The following SIRT4 variants were observed in gnomAD, a reference collection of about 807,000 sequenced individuals.
SIRT4 encodes NAD-dependent protein lipoamidase sirtuin-4, mitochondrial.
In SIRT4, 23 loss-of-function variants were observed where a neutral mutation model predicts 26.1. The observed-to-expected ratio is 0.88, with a 90% CI of 0.63 to 1.25. The LOEUF (loss-of-function observed/expected upper bound fraction) is 1.25. Among genes scored for constraint, SIRT4 ranks in the 50% most tolerant of loss-of-function variants. SIRT4 has a pLI of 0.00. For missense variants in SIRT4, 361 were observed against 405.4 expected (o/e 0.89, Z 0.94); for synonymous variants, 155 against 158.4 (o/e 0.98, Z 0.16).
rs1872647343 is a variant in SIRT4, at chr12:120,304,012, A to G, written c.451A>G (p.Lys151Glu). 3 of 1,613,138 alleles carry G rather than the reference A, an allele frequency of 1.9e-6. No homozygotes were observed. The South Asian group carries it at 3.3e-5, about 18-fold the overall frequency. ...CCAAAATGTGGATGCTTTGCACACC[A>G]AGGCGGGGAGTCGGCGCCTGACAGA... ...VTQNVDALHT[K>E]AGSRRLTELH... Residue 151 changes from lysine to glutamate, a missense_variant, in exon 2 of 4, where the codon AAG (lysine) becomes GAG (glutamate). Transcript: ENST00000202967.
rs980974165 is a variant in SIRT4, at chr12:120,313,232, G to A, written c.*196G>A. The A allele has an allele frequency of 3.3e-6, 2 of 613,826 alleles. No homozygotes were observed. The highest frequency in any genetic ancestry group is 2.9e-5 in the East Asian group (1 of 34,614). 38.0% of individuals were successfully genotyped at this position (613,826 alleles called of 1,614,324 possible). ...ACTCATTTTTTTTAAATAAAAAATT[G>A]TTCAGCTTTATATGAAATGCTTCAT... On this transcript the variant is annotated 3_prime_UTR_variant, in exon 4 of 4. Coordinates refer to ENST00000202967, the MANE Select transcript of SIRT4 (RefSeq NM_012240.3).
chr12:120,312,767 G>T lies in SIRT4; in HGVS notation c.792+17G>T. 6.2e-7 allele frequency: 1 copy of T among 1,609,154 alleles called. No individual in the cohort carries two copies. The highest frequency in any genetic ancestry group is 1.1e-5 in the South Asian group (1 of 90,718). ...TCCTTGCAGGTATCTGACTTGGCAA[G>T]AGTGGTAACCACCCCTTGTGCGGGA... is the stretch of plus-strand genomic sequence containing the variant. On this transcript the variant is annotated intron_variant, in intron 3 of 3. Transcript: ENST00000202967.
At position 120,313,242 on chromosome 12, in the gene SIRT4, A is replaced by G. The variant is rs1873066722; in HGVS notation, c.*206A>G. On this transcript the variant is annotated 3_prime_UTR_variant, in exon 4 of 4. Coordinates refer to ENST00000202967, the MANE Select transcript of SIRT4 (RefSeq NM_012240.3). ...TTTAAATAAAAAATTGTTCAGCTTTATATGAAATGCTTCATGAATTTGTGT... is the reference window on the plus strand; with the variant it reads ...TTTAAATAAAAAATTGTTCAGCTTTGTATGAAATGCTTCATGAATTTGTGT... The G allele has an allele frequency of 2.6e-5, 15 of 582,050 alleles. No homozygotes were observed. In the South Asian group the frequency reaches 3.3e-4, roughly 13 times the overall value. The allele number at this position is 582,050 out of a possible 1,614,324, so 36.1% of individuals were successfully genotyped here. A position where few individuals can be genotyped will look rare whatever the true frequency, so the allele number is the denominator to read the frequency against.
chr12:120,308,946 G>T (rs558209776), intron 2 of SIRT4, among the ~76,000 whole-genome samples: 80 of 152,130 alleles, frequency 5.3e-4, no homozygotes, highest in Admixed American at 2.6e-4. Flanking sequence ...GAAGCGGGTG[G>T]ATAACCTGAG....
At position 120,312,555 on chromosome 12, in the gene SIRT4, G is replaced by A; in HGVS notation, c.597G>A (p.Leu199=). The A allele has an allele frequency of 6.2e-7, 1 of 1,614,126 alleles. No individual in the cohort carries two copies. Among genetic ancestry groups the A allele is most frequent in the African/African-American group, 1.3e-5 (1 of 75,006 alleles). ...CCTGGAGTGCTGAGGCCCATGGCCT[G>A]GCTCCTGATGGTGACGTCTTTCTCT... ...NPTWSAEAHG[L]APDGDVFLSE... is the part of the protein sequence containing the mutation. Residue 199 remains leucine (L), a synonymous_variant, in exon 3 of 4, where the codon CTG becomes CTA. Coordinates refer to ENST00000202967, the MANE Select transcript of SIRT4 (RefSeq NM_012240.3).
chr12:120,293,008 T>A, the SIRT4 span: 1 of 152,126 alleles, frequency 6.6e-6, no homozygotes, highest in Admixed American at 6.6e-5. Context: ...TTTAGAGAGT[T>A]TGCGAACAAG....
At chr12:120,311,048 T>TAA (rs761606021) in intron 2 of SIRT4, among the ~76,000 whole-genome samples, 5,892 of 69,302 alleles carry the variant, frequency 0.085, 454 homozygotes, top group Admixed American at 0.12. Context: ...CCCTGTCTCT[T>TAA]AAAAAAAAAA....
chr12:120,292,943 G>T, the SIRT4 span, among the ~76,000 whole-genome samples: 1 of 152,144 alleles, frequency 6.6e-6, no homozygotes, highest in African/African-American at 2.4e-5. Context: ...ACTAAAACAG[G>T]TAAACTTGCA....
chr12:120,293,076 TTC>T, the SIRT4 span: 3 of 87,440 alleles, frequency 3.4e-5, no homozygotes, highest in Admixed American at 2.2e-4. Flanking sequence ...GCCTCTGTTG[TTC>T]AACTGCAAGA....
the SIRT4 span, among the ~76,000 whole-genome samples, chr12:120,292,193 A>G: frequency 1.3e-5 from 2 of 152,212 alleles, no homozygotes. Context: ...GAGAGTGAGC[A>G]GTGGGAAAGC....
At chr12:120,306,600 G>A (rs898095232) in intron 2 of SIRT4, among the ~76,000 whole-genome samples, 1 of 152,038 alleles carries the variant, frequency 6.6e-6, no homozygotes, top group African/African-American at 2.4e-5. Flanking sequence ...TCAGGAGTTC[G>A]AGACCATCCT....
At position 120,312,751 on chromosome 12, in the gene SIRT4, G is replaced by C; in HGVS notation, c.792+1G>C. 6.2e-7 allele frequency: 1 copy of C among 1,611,454 alleles called. No individual in the cohort carries two copies. ...CTTGGTGGTGGGATCATCCTTGCAG[G>C]TATCTGACTTGGCAAGAGTGGTAAC... On this transcript the variant is annotated splice_donor_variant, in intron 3 of 3. Coordinates refer to ENST00000202967, the MANE Select transcript of SIRT4 (RefSeq NM_012240.3). LOFTEE classifies it high-confidence loss of function.
chr12:120,294,951 C>T, the SIRT4 span, among the ~76,000 whole-genome samples: 10 of 151,542 alleles, frequency 6.6e-5, no homozygotes, highest in African/African-American at 2.2e-4. Flanking sequence ...CTCAGCCTCC[C>T]GAGTAACTAA....
At chr12:120,294,117 C>T in the SIRT4 span, among the ~76,000 whole-genome samples, 10 of 149,220 alleles carry the variant, frequency 6.7e-5, no homozygotes, top group Admixed American at 4.1e-4. Flanking sequence ...GATTCTCCTG[C>T]CTCCATCTCT....
At chr12:120,310,303 T>C (rs1480771677) in intron 2 of SIRT4, among the ~76,000 whole-genome samples, 2 of 151,636 alleles carry the variant, frequency 1.3e-5, no homozygotes, top group Admixed American at 1.3e-4. Flanking sequence ...GAGGCGGAGG[T>C]TGCAGTGAGC....
At chr12:120,292,817 CAG>C in the SIRT4 span, among the ~76,000 whole-genome samples, 3 of 151,034 alleles carry the variant, frequency 2.0e-5, no homozygotes, top group Admixed American at 6.6e-5. Flanking sequence ...AAAAAGAAAA[CAG>C]TGCGAGAAAG....
chr12:120,313,122 T>A lies in SIRT4; in HGVS notation c.*86T>A. The A allele has an allele frequency of 1.3e-6, 2 of 1,497,642 alleles. No homozygotes were observed. Among genetic ancestry groups the A allele is most frequent in the Non-Finnish European group, 1.8e-6 (2 of 1,082,670 alleles). 92.8% of individuals were successfully genotyped at this position (1,497,642 alleles called of 1,614,324 possible). On this transcript the variant is annotated 3_prime_UTR_variant, in exon 4 of 4. Transcript: ENST00000202967. Reference sequence around the variant, plus strand: ...GTAAATGCCTTCTCAAATGACAGATTCCAGTTCCCATTCAACAGAGTAGGG... The same window carrying A: ...GTAAATGCCTTCTCAAATGACAGATACCAGTTCCCATTCAACAGAGTAGGG...
At chr12:120,311,875 T>C (rs1377583660) in intron 2 of SIRT4, among the ~76,000 whole-genome samples, 1 of 149,246 alleles carries the variant, frequency 6.7e-6, no homozygotes, top group Admixed American at 6.7e-5. Flanking sequence ...CAAGGGAAAG[T>C]ATAGAGGGAA....
chr12:120,305,259 G>A (rs1372926910), intron 2 of SIRT4, among the ~76,000 whole-genome samples: 1 of 151,768 alleles, frequency 6.6e-6, no homozygotes, highest in Non-Finnish European at 1.5e-5. Context: ...GTGTGTGTGT[G>A]TGTGTGTGTA....
Sources: gnomAD v4.1 joint callset for allele counts (sites outside exome capture counted in the v4.1 genomes callset) on GRCh38, gnomAD v4.1.1 for gene constraint, MANE v1.5 for transcripts, NCBI Gene and HGNC (gene_info 2026-07-23, HGNC 2026-07-21) for gene names.